GRIP1: variants seen among roughly 807,000 people sequenced by gnomAD.
GRIP1 encodes the protein glutamate receptor interacting protein 1.
GRIP1 carries 45 observed loss-of-function variants against 129.9 expected under a neutral mutation model. The observed-to-expected ratio is 0.35, with a 90% CI of 0.27 to 0.44. The LOEUF (loss-of-function observed/expected upper bound fraction) is 0.44. Among genes scored for constraint, GRIP1 ranks in the 20% least tolerant of loss-of-function variants. The pLI is 1.00. For missense variants in GRIP1, 1,196 were observed against 1,396.8 expected (o/e 0.86, Z 2.29); for synonymous variants, 530 against 520.8 (o/e 1.02, Z -0.24).
intron 1 of GRIP1, among the ~76,000 whole-genome samples, chr12:66,941,535 C>G (rs1280019046): frequency 1.3e-5 from 2 of 152,192 alleles, no homozygotes; most frequent in African/African-American, 2.4e-5. Context: ...ATCTAATCCA[C>G]AAAAGAGCTG....
intron 1 of GRIP1, among the ~76,000 whole-genome samples, chr12:66,849,686 C>T (rs560327905): frequency 6.6e-6 from 1 of 152,236 alleles, no homozygotes; most frequent in South Asian, 2.1e-4. Context: ...CAATGTGAAG[C>T]CCATACTATT....
chr12:66,983,680 G>A (rs781393717), intron 1 of GRIP1, among the ~76,000 whole-genome samples: 13 of 151,860 alleles, frequency 8.6e-5, no homozygotes, highest in African/African-American at 1.7e-4. Context: ...CTATGTTTTC[G>A]AAATAATTCA....
At chr12:66,731,878 C>T (rs897816801) in intron 1 of GRIP1, among the ~76,000 whole-genome samples, 1 of 152,136 alleles carries the variant, frequency 6.6e-6, no homozygotes, top group African/African-American at 2.4e-5. Flanking sequence ...TTTGTATTGA[C>T]ACATAAAATA....
At chr12:66,757,601 G>T (rs967530185) in intron 1 of GRIP1, among the ~76,000 whole-genome samples, 4 of 152,032 alleles carry the variant, frequency 2.6e-5, no homozygotes, top group African/African-American at 4.8e-5. Context: ...CTTTCTTTTG[G>T]TAATATACCT....
At chr12:66,700,033 T>C (rs981481458) in intron 1 of GRIP1, among the ~76,000 whole-genome samples, 1 of 152,210 alleles carries the variant, frequency 6.6e-6, no homozygotes, top group Non-Finnish European at 1.5e-5. Context: ...GCTTCTCTTC[T>C]TCTGCCCAAT....
intron 1 of GRIP1, among the ~76,000 whole-genome samples, chr12:66,890,173 C>T (rs2040634365): frequency 6.6e-6 from 1 of 152,122 alleles, no homozygotes; most frequent in African/African-American, 2.4e-5. Flanking sequence ...AAGCAATGTT[C>T]CCACCTCAGC....
intron 1 of GRIP1, among the ~76,000 whole-genome samples, chr12:66,877,734 C>T (rs1464436825): frequency 5.3e-5 from 8 of 152,018 alleles, no homozygotes; most frequent in Non-Finnish European, 1.5e-5. Flanking sequence ...TTCATTCTTT[C>T]CTCTTATCCC....
chr12:66,857,547 T>A (rs553792211), intron 1 of GRIP1, among the ~76,000 whole-genome samples: 103 of 142,010 alleles, frequency 7.3e-4, no homozygotes, highest in Admixed American at 4.0e-3. Flanking sequence ...GGGCTCTGGC[T>A]AGTCTCAGGA....
chr12:66,581,776 G>A (rs779193210), intron 2 of GRIP1, among the ~76,000 whole-genome samples: 25 of 152,026 alleles, frequency 1.6e-4, no homozygotes, highest in Middle Eastern at 3.2e-3. Flanking sequence ...GCTTTCCAAC[G>A]AAAAAGAATC....
chr12:66,633,066 G>A (rs1421227601), intron 1 of GRIP1, among the ~76,000 whole-genome samples: 3 of 151,530 alleles, frequency 2.0e-5, no homozygotes, highest in Non-Finnish European at 4.4e-5. Context: ...AGGCTAGAGC[G>A]CAGTGACACA....
At chr12:66,845,847 A>G (rs976695585) in intron 1 of GRIP1, among the ~76,000 whole-genome samples, 3 of 152,172 alleles carry the variant, frequency 2.0e-5, no homozygotes, top group Admixed American at 6.6e-5. Flanking sequence ...ACAAAGGACT[A>G]CTGGCATGTA....
At chr12:67,026,994 C>A (rs2042950649) in intron 1 of GRIP1, among the ~76,000 whole-genome samples, 1 of 152,196 alleles carries the variant, frequency 6.6e-6, no homozygotes. Flanking sequence ...GCAATCACAG[C>A]TCACTACAGC....
intron 1 of GRIP1, among the ~76,000 whole-genome samples, chr12:66,933,569 G>T (rs61918816): frequency 6.6e-6 from 1 of 151,912 alleles, no homozygotes; most frequent in African/African-American, 2.4e-5. Flanking sequence ...TAATTGAGGG[G>T]CTACTATATA....
chr12:66,617,908 C>T (rs541696381), intron 1 of GRIP1, among the ~76,000 whole-genome samples: 3 of 151,858 alleles, frequency 2.0e-5, no homozygotes, highest in South Asian at 4.2e-4. Context: ...TACTCTCATA[C>T]ATTTCAGGTG....
chr12:66,806,895 G>A (rs1325245356), upstream of GRIP1, among the ~76,000 whole-genome samples: 1 of 151,880 alleles, frequency 6.6e-6, no homozygotes, highest in African/African-American at 2.4e-5. Flanking sequence ...GGTGGTGCTG[G>A]GGAGGAGGAG....
intron 19 of GRIP1, among the ~76,000 whole-genome samples, chr12:66,380,208 C>G (rs939642817): frequency 6.6e-6 from 1 of 152,090 alleles, no homozygotes; most frequent in African/African-American, 2.4e-5. Context: ...TCGTGCCGGC[C>G]CCATTTCAAG....
At chr12:66,992,393 A>T (rs1442791715) in intron 1 of GRIP1, among the ~76,000 whole-genome samples, 2 of 152,156 alleles carry the variant, frequency 1.3e-5, no homozygotes. Context: ...ATTTTTTTTT[A>T]AATACAATTC....
At chr12:66,628,313 TCCTTGAG>T (rs1203921136) in intron 1 of GRIP1, among the ~76,000 whole-genome samples, 1 of 152,162 alleles carries the variant, frequency 6.6e-6, no homozygotes, top group Non-Finnish European at 1.5e-5. Context: ...CAATAAAAAT[TCCTTGAG>T]TTCCCCTGTG....
chr12:66,724,343 G>T (rs545021357), intron 1 of GRIP1, among the ~76,000 whole-genome samples: 142 of 152,306 alleles, frequency 9.3e-4, no homozygotes, highest in African/African-American at 3.3e-3. Flanking sequence ...TGACTTCTTG[G>T]TTAAAGCCAG....
Sources: gnomAD v4.1 joint callset for allele counts (sites outside exome capture counted in the v4.1 genomes callset) on GRCh38, gnomAD v4.1.1 for gene constraint, MANE v1.5 for transcripts, NCBI Gene and HGNC (gene_info 2026-07-23, HGNC 2026-07-21) for gene names.